OR1F1: variants seen among roughly 807,000 people sequenced by gnomAD.
OR1F1 encodes olfactory receptor 1F1.
For missense variants in OR1F1, 493 were observed against 376.3 expected (o/e 1.31, Z -2.57); for synonymous variants, 184 against 156.7 (o/e 1.17, Z -1.30).
chr16:3,190,727 G>A, the OR1F1 span, among the ~76,000 whole-genome samples: 1 of 143,056 alleles, frequency 7.0e-6, no homozygotes, highest in South Asian at 2.3e-4. Flanking sequence ...CTCCAGCCTG[G>A]GTGACAAGGT....
chr16:3,192,640 G>A, the OR1F1 span, among the ~76,000 whole-genome samples: 1 of 152,176 alleles, frequency 6.6e-6, no homozygotes, highest in Non-Finnish European at 1.5e-5. Flanking sequence ...GGGGGGCGTC[G>A]GCTTTGAGCA....
downstream of OR1F1, among the ~76,000 whole-genome samples, chr16:3,205,606 G>T (rs973486071): frequency 2.6e-5 from 4 of 152,132 alleles, no homozygotes; most frequent in African/African-American, 9.6e-5. Flanking sequence ...AAATTGTGAA[G>T]ATTTCATTTT....
chr16:3,204,798 A>G lies in OR1F1; in HGVS notation c.552A>G (p.Leu184=), dbSNP rs575247842. Residue 184 remains leucine (L), a synonymous_variant, in exon 1 of 1, where the codon CTA becomes CTG. Coordinates refer to ENST00000304646, the Ensembl canonical transcript of OR1F1. ...ACTTCTTCTGCGATGTGACTCCCCT[A>G]CTGAAACTCTCCTGCTCAGACACAC... 4.3e-6 allele frequency: 7 copies of G among 1,614,004 alleles called. No individual in the cohort carries two copies. The East Asian group carries it at 1.6e-4, about 36-fold the overall frequency.
chr16:3,189,163 G>A, the OR1F1 span, among the ~76,000 whole-genome samples: 1 of 152,234 alleles, frequency 6.6e-6, no homozygotes, highest in Admixed American at 6.5e-5. Flanking sequence ...GGCGAGGTAG[G>A]GTGCCTGGTA....
chr16:3,202,880 G>A (rs1434867884), upstream of OR1F1, among the ~76,000 whole-genome samples: 1 of 152,058 alleles, frequency 6.6e-6, no homozygotes, highest in Non-Finnish European at 1.5e-5. Flanking sequence ...ATTCAGTGGA[G>A]GTTACTAGCT....
chr16:3,204,404 C>G (rs146853431), exon 1 of OR1F1: 1 of 1,614,034 alleles, frequency 6.2e-7, no homozygotes, highest in African/African-American at 1.3e-5. Context: ...AGCATAGACT[C>G]CTGCCTGCAC....
exon 1 of OR1F1, chr16:3,204,921 C>A: frequency 6.2e-7 from 1 of 1,614,188 alleles, no homozygotes; most frequent in African/African-American, 1.3e-5. Flanking sequence ...CCTGCACTGT[C>A]CTGAAGGTCC....
chr16:3,195,218 CAGG>C, the OR1F1 span, among the ~76,000 whole-genome samples: 1 of 152,188 alleles, frequency 6.6e-6, no homozygotes, highest in African/African-American at 2.4e-5. Context: ...GCTACGGAAA[CAGG>C]AGAGAATCCT....
the OR1F1 span, among the ~76,000 whole-genome samples, chr16:3,193,957 C>T: frequency 6.6e-6 from 1 of 152,266 alleles, no homozygotes; most frequent in East Asian, 1.9e-4. Flanking sequence ...GCCTCCTAAG[C>T]CAGGGATTGT....
chr16:3,205,171 G>T, exon 1 of OR1F1: 1 of 1,607,212 alleles, frequency 6.2e-7, no homozygotes, highest in Non-Finnish European at 8.5e-7. Flanking sequence ...TGGCAGGGTG[G>T]TGTTTTCTGT....
exon 1 of OR1F1, chr16:3,204,664 C>A (rs372838730): frequency 1.2e-6 from 2 of 1,614,080 alleles, no homozygotes; most frequent in African/African-American, 2.7e-5. Context: ...GACCCATCAG[C>A]TCTGTGCCCT....
upstream of OR1F1, among the ~76,000 whole-genome samples, chr16:3,203,947 C>T (rs188166229): frequency 2.0e-5 from 3 of 152,240 alleles, no homozygotes; most frequent in Admixed American, 2.0e-4. Context: ...GTCTGACATC[C>T]TGAACTGTGG....
the OR1F1 span, among the ~76,000 whole-genome samples, chr16:3,188,731 C>T: frequency 6.6e-6 from 1 of 152,188 alleles, no homozygotes; most frequent in South Asian, 2.1e-4. Flanking sequence ...CCCTTTTAGC[C>T]CAGATCTGCT....
upstream of OR1F1, among the ~76,000 whole-genome samples, chr16:3,203,604 A>T (rs910082337): frequency 1.3e-5 from 2 of 152,192 alleles, no homozygotes; most frequent in Admixed American, 1.3e-4. Flanking sequence ...TCTCTACTAA[A>T]AATACAAAAA....
chr16:3,201,388 A>G (rs1304211562), upstream of OR1F1, among the ~76,000 whole-genome samples: 2 of 152,214 alleles, frequency 1.3e-5, no homozygotes, highest in African/African-American at 4.8e-5. Flanking sequence ...TCCTGGGGGA[A>G]CAACCCAACT....
chr16:3,205,530 G>T (rs377205373), downstream of OR1F1, among the ~76,000 whole-genome samples: 20 of 151,734 alleles, frequency 1.3e-4, no homozygotes, highest in African/African-American at 3.9e-4. Context: ...CGCCAGGCTG[G>T]ATGCTGTTGC....
At chr16:3,202,792 A>G (rs1447580149), upstream of OR1F1, among the ~76,000 whole-genome samples, 2 of 152,050 alleles carry the variant, frequency 1.3e-5, no homozygotes, top group African/African-American at 4.8e-5. Context: ...GATATTTAAC[A>G]TAAATTACCT....
the OR1F1 span, among the ~76,000 whole-genome samples, chr16:3,194,461 C>T: frequency 6.6e-6 from 1 of 152,134 alleles, no homozygotes; most frequent in African/African-American, 2.4e-5. Flanking sequence ...GAATTGAATA[C>T]AGTTTGTTTC....
At chr16:3,192,421 G>C in the OR1F1 span, among the ~76,000 whole-genome samples, 3 of 152,172 alleles carry the variant, frequency 2.0e-5, no homozygotes, top group South Asian at 6.2e-4. Flanking sequence ...CTCGGTCCTG[G>C]ATTTCTCTGC....
Sources: gnomAD v4.1 joint callset for allele counts (sites outside exome capture counted in the v4.1 genomes callset) on GRCh38, gnomAD v4.1.1 for gene constraint, MANE v1.5 for transcripts, NCBI Gene and HGNC (gene_info 2026-07-23, HGNC 2026-07-21) for gene names.